Variants in UBE2Q2 observed in about 807,000 individuals in gnomAD.
UBE2Q2 encodes ubiquitin conjugating enzyme E2 Q2.
UBE2Q2 carries 54 observed loss-of-function variants against 59.9 expected under a neutral mutation model. The ratio of observed to expected loss-of-function variants is 0.90; its 90% CI spans 0.72 to 1.13. UBE2Q2 has a LOEUF of 1.13. UBE2Q2 is among the 50% of genes most tolerant of loss of function. The pLI is 0.00. For missense variants in UBE2Q2, 433 were observed against 441.9 expected (o/e 0.98, Z 0.18); for synonymous variants, 165 against 155.2 (o/e 1.06, Z -0.47).
At chr15:75,897,148 C>A in intron 12 of UBE2Q2, 87 bp downstream of exon 12, 1 of 688,564 alleles carries the variant, frequency 1.5e-6, no homozygotes, top group Admixed American at 3.4e-5. Flanking sequence ...TCTGTTTTTG[C>A]TTTAGTTTCT....
rs774094996 is a variant in UBE2Q2, at chr15:75,897,627, A to G, written c.1096+566A>G. ...TTTTTTTTTTTTAGTAGATTAATGA[A>G]TGACTCACTTTACTTACTTGAAATA... On this transcript the variant is annotated intron_variant, in intron 12 of 12. Coordinates refer to ENST00000267938, the MANE Select transcript of UBE2Q2 (RefSeq NM_173469.4). 3.8e-4 allele frequency among the ~76,000 whole-genome samples: 58 copies of G among 151,012 alleles called. 1 individual carries two copies. Among genetic ancestry groups the G allele is most frequent in the Non-Finnish European group, 6.6e-4 (45 of 67,854 alleles).
In UBE2Q2 at chr15:75,876,238, A is replaced by G. The variant is rs764421447; in HGVS notation, c.640A>G (p.Arg214Gly). ...QASDRLMKELRDIYRSQSYKT... is the reference protein window; with the variant it reads ...QASDRLMKELGDIYRSQSYKT... ...TTCAGATAGACTTATGAAAGAGCTC[A>G]GGGACATATACAGATCACAGAGTTA... The change falls in exon 6 of 13, where the codon AGG (arginine) becomes GGG (glycine). Residue 214 changes from arginine to glycine, a missense_variant. Arg to Gly is a moderately radical substitution (Grantham distance 125). Transcript: ENST00000267938. 2 of 1,614,016 alleles carry G rather than the reference A, an allele frequency of 1.2e-6. No homozygotes were observed. The highest frequency in any genetic ancestry group is 1.7e-6 in the Non-Finnish European group (2 of 1,179,918).
intron 1 of UBE2Q2, chr15:75,844,732 A>ATG (rs1425969187): frequency 1.0e-5 from 4 of 382,306 alleles, no homozygotes; most frequent in Non-Finnish European, 1.9e-5. Context: ...CGTGAAATTG[A>ATG]TGTAGGATAT....
chr15:75,892,115 G>C (rs1050142993), intron 11 of UBE2Q2, among the ~76,000 whole-genome samples: 4 of 152,178 alleles, frequency 2.6e-5, no homozygotes, highest in Admixed American at 1.3e-4. Context: ...CTAGTCTTCT[G>C]TGTATAAATG....
chr15:75,898,718 CT>C (rs1223047758), intron 12 of UBE2Q2, among the ~76,000 whole-genome samples: 5 of 152,146 alleles, frequency 3.3e-5, no homozygotes, highest in Non-Finnish European at 7.3e-5. Context: ...GTCCAAGTTC[CT>C]TGTATTCTAA....
At chr15:75,879,073 C>T in intron 7 of UBE2Q2, 25 bp from the exon 8 acceptor site, 1 of 1,472,006 alleles carries the variant, frequency 6.8e-7, no homozygotes, top group Non-Finnish European at 9.1e-7. Context: ...TTTATTTGAA[C>T]TGTTTTTTGT....
chr15:75,873,604 G>A, intron 5 of UBE2Q2, 36 bp downstream of exon 5: 1 of 1,580,888 alleles, frequency 6.3e-7, no homozygotes, highest in Non-Finnish European at 8.6e-7. Context: ...CTGGACTTTT[G>A]TGGTTAAATA....
chr15:75,885,746 A>G (rs1169384288), intron 9 of UBE2Q2, among the ~76,000 whole-genome samples: 1 of 152,218 alleles, frequency 6.6e-6, no homozygotes, highest in Non-Finnish European at 1.5e-5. Flanking sequence ...CAAATATACT[A>G]TCACAGTGAG....
At chr15:75,882,554 T>C (rs1420080365) in intron 8 of UBE2Q2, among the ~76,000 whole-genome samples, 1 of 152,224 alleles carries the variant, frequency 6.6e-6, no homozygotes, top group East Asian at 1.9e-4. Flanking sequence ...GAAATTGTAC[T>C]TTACCAAGCT....
chr15:75,870,999 C>T lies in UBE2Q2; in HGVS notation c.447+1989C>T, dbSNP rs542157504. Among the ~76,000 whole-genome samples, 34 of 152,188 alleles carry T rather than the reference C, an allele frequency of 2.2e-4. 1 individual carries two copies. The South Asian group carries it at 5.8e-3, about 26-fold the overall frequency. ...CCAGCGTTCAGCATATGGAGGATCC[C>T]GCCAGCCTCTGAGTTCCCTTAGTAT... On this transcript the variant is annotated intron_variant, in intron 4 of 12. Coordinates refer to ENST00000267938, the MANE Select transcript of UBE2Q2 (RefSeq NM_173469.4).
Position 75,877,971 on chromosome 15 carries a change from A to G in UBE2Q2, c.684A>G (p.Ser228=). 1.2e-6 allele frequency: 2 copies of G among 1,613,434 alleles called. No homozygotes were observed. Among genetic ancestry groups the G allele is most frequent in the Non-Finnish European group, 1.7e-6 (2 of 1,179,596 alleles). ...TCTATATCTTAACAGGGATTTATTC[A>G]GTGGAACTCATAAATGACAGTTTAT... The part of the protein sequence containing the change: ...RSQSYKTGIY[S]VELINDSLYD... Residue 228 remains serine, a synonymous_variant, in exon 7 of 13, where the codon TCA becomes TCG. Coordinates refer to ENST00000267938, the MANE Select transcript of UBE2Q2 (RefSeq NM_173469.4).
chr15:75,856,871 A>G (rs547302051), intron 2 of UBE2Q2, among the ~76,000 whole-genome samples: 1 of 151,682 alleles, frequency 6.6e-6, no homozygotes, highest in South Asian at 2.1e-4. Flanking sequence ...TCAACCTGGG[A>G]GGCAGGTTGC....
At chr15:75,882,731 AT>A (rs1198122232) in intron 8 of UBE2Q2, among the ~76,000 whole-genome samples, 2 of 152,222 alleles carry the variant, frequency 1.3e-5, no homozygotes, top group Non-Finnish European at 1.5e-5. Context: ...GAAAATGCAA[AT>A]CAAAATTAAT....
At chr15:75,863,668 G>A (rs1179081509) in intron 3 of UBE2Q2, among the ~76,000 whole-genome samples, 3 of 150,040 alleles carry the variant, frequency 2.0e-5, no homozygotes, top group African/African-American at 7.4e-5. Context: ...TTCTGAGTTG[G>A]AGTCTCGCCT....
chr15:75,896,985 T>C lies in UBE2Q2; in HGVS notation c.1030-10T>C, dbSNP rs1323734826. 3 of 1,528,784 alleles carry C rather than the reference T, an allele frequency of 2.0e-6. No homozygotes were observed. The highest frequency in any genetic ancestry group is 1.9e-5 in the Admixed American group (1 of 52,738). 94.7% of individuals were successfully genotyped at this position (1,528,784 alleles called of 1,614,324 possible). A position where few individuals can be genotyped will look rare whatever the true frequency, so the allele number is the denominator to read the frequency against. On this transcript the variant is annotated splice_polypyrimidine_tract_variant and intron_variant, in intron 11 of 12. Transcript: ENST00000267938. Reference sequence around the variant, plus strand: ...ACACTTTTGATTTAAAATGTGTAATTCTCTTTCAGAATCAATATAATCTAG... The same window carrying C: ...ACACTTTTGATTTAAAATGTGTAATCCTCTTTCAGAATCAATATAATCTAG...
At chr15:75,844,125 A>G (rs764027730) in intron 1 of UBE2Q2, 2 of 1,409,772 alleles carry the variant, frequency 1.4e-6, no homozygotes, top group African/African-American at 2.9e-5. Flanking sequence ...CCGAGGGGGG[A>G]GTCCGCGGCG....
chr15:75,898,344 T>A (rs1175392208), intron 12 of UBE2Q2, among the ~76,000 whole-genome samples: 1 of 152,168 alleles, frequency 6.6e-6, no homozygotes, highest in East Asian at 1.9e-4. Context: ...GGGAGATGAC[T>A]TCTAGGGTTT....
chr15:75,888,843 C>G (rs554966770), intron 9 of UBE2Q2, among the ~76,000 whole-genome samples: 106 of 152,294 alleles, frequency 7.0e-4, no homozygotes, highest in African/African-American at 2.5e-3. Flanking sequence ...TTCCCCCCAC[C>G]TCTTAAGACT....
rs190445780 is a variant in UBE2Q2, at chr15:75,849,267, C to T, written c.181-5119C>T. On this transcript the variant is annotated intron_variant, in intron 1 of 12. Transcript: ENST00000267938. ...TCTCCACCCCACATTTATTGAACAG[C>T]AAACTATGAAAGTAATGTGTCCCAT... Among the ~76,000 whole-genome samples, 538 of 152,318 alleles carry T rather than the reference C, an allele frequency of 3.5e-3. 9 individuals carry two copies. The highest frequency in any genetic ancestry group is 0.028 in the South Asian group (137 of 4,830).
Sources: allele counts gnomAD v4.1 joint callset (sites outside exome capture counted in the v4.1 genomes callset), GRCh38; gene constraint gnomAD v4.1.1; transcripts MANE v1.5; gene names NCBI Gene and HGNC (gene_info 2026-07-23, HGNC 2026-07-21).